The following RIMS2 variants were observed in gnomAD, a reference collection of about 807,000 sequenced individuals.
RIMS2 encodes regulating synaptic membrane exocytosis 2.
A neutral mutation model predicts 174.4 loss-of-function variants in RIMS2; 59 were observed. The observed-to-expected ratio is 0.34, with a 90% CI of 0.27 to 0.42. RIMS2 has a LOEUF of 0.42. Among genes scored for constraint, RIMS2 ranks in the 10% least tolerant of loss-of-function variants. RIMS2 has a pLI of 1.00. For synonymous variants in RIMS2, 606 were observed against 572.5 expected, an observed-to-expected ratio of 1.06 and a Z score of -0.84; for missense variants, 1,620 against 1,666.3, an observed-to-expected ratio of 0.97 and a Z score of 0.48.
At chr8:104,009,761 C>G (rs961626019) in intron 17 of RIMS2, among the ~76,000 whole-genome samples, 1 of 152,100 alleles carries the variant, frequency 6.6e-6, no homozygotes, top group African/African-American at 2.4e-5. Context: ...TTACTTTTTA[C>G]AAATTTACTT....
chr8:103,813,389 CTTCT>C (rs201996486), intron 3 of RIMS2, among the ~76,000 whole-genome samples: 436 of 147,372 alleles, frequency 3.0e-3, no homozygotes, highest in East Asian at 0.016. Flanking sequence ...AGAATTTACA[CTTCT>C]TTCTTTCTTT....
At chr8:104,098,457 A>ATGGAAG (rs2130809899) in intron 19 of RIMS2, among the ~76,000 whole-genome samples, 1 of 152,284 alleles carries the variant, frequency 6.6e-6, no homozygotes, top group South Asian at 2.1e-4. Flanking sequence ...AGAAAAAACA[A>ATGGAAG]ATACTGAAAA....
intron 1 of RIMS2, among the ~76,000 whole-genome samples, chr8:103,685,241 T>TGTC (rs1399264886): frequency 6.6e-6 from 1 of 152,174 alleles, no homozygotes; most frequent in African/African-American, 2.4e-5. Flanking sequence ...AGCAAAGTGC[T>TGTC]GTCATTGGCT....
At chr8:103,674,823 TTTAA>T (rs1458751614) in intron 1 of RIMS2, among the ~76,000 whole-genome samples, 1 of 152,106 alleles carries the variant, frequency 6.6e-6, no homozygotes, top group African/African-American at 2.4e-5. Flanking sequence ...CAAATTTTTG[TTTAA>T]TTGATTTAAA....
chr8:103,632,739 T>TC (rs1199202612), intron 1 of RIMS2, among the ~76,000 whole-genome samples: 1 of 136,670 alleles, frequency 7.3e-6, no homozygotes, highest in Non-Finnish European at 1.6e-5. Flanking sequence ...TGATTTTTTT[T>TC]TTTTTTTTTT....
intron 1 of RIMS2, among the ~76,000 whole-genome samples, chr8:103,525,237 G>A (rs1293807599): frequency 6.6e-6 from 1 of 152,164 alleles, no homozygotes; most frequent in Non-Finnish European, 1.5e-5. Context: ...CTTTGAAAGT[G>A]TGATAGTTCT....
intron 1 of RIMS2, among the ~76,000 whole-genome samples, chr8:103,601,041 T>G (rs1004930145): frequency 2.6e-5 from 4 of 152,208 alleles, no homozygotes; most frequent in Non-Finnish European, 4.4e-5. Context: ...CTGCTGCCTA[T>G]TTTTTAATGG....
At chr8:104,096,760 C>T (rs1038777422) in intron 19 of RIMS2, among the ~76,000 whole-genome samples, 3 of 151,454 alleles carry the variant, frequency 2.0e-5, no homozygotes, top group African/African-American at 4.9e-5. Context: ...CCCAGCTACT[C>T]GGGAGGCTGA....
chr8:103,889,495 ACCAGGGAACAT>A (rs889559917), intron 4 of RIMS2, among the ~76,000 whole-genome samples: 6 of 151,796 alleles, frequency 4.0e-5, no homozygotes, highest in African/African-American at 1.4e-4. Flanking sequence ...TATAAATAGC[ACCAGGGAACAT>A]TATCATTGCA....
At chr8:103,892,466 A>G (rs1278325176) in intron 4 of RIMS2, among the ~76,000 whole-genome samples, 1 of 151,944 alleles carries the variant, frequency 6.6e-6, no homozygotes, top group Non-Finnish European at 1.5e-5. Flanking sequence ...AGCCTCCCAA[A>G]GTGCTGGGAC....
chr8:103,775,985 G>A (rs2098311826), intron 3 of RIMS2, among the ~76,000 whole-genome samples: 1 of 152,130 alleles, frequency 6.6e-6, no homozygotes, highest in South Asian at 2.1e-4. Context: ...GCTTGCCTAG[G>A]ACAGTCCCAG....
At chr8:104,092,398 T>C (rs1454741647) in intron 19 of RIMS2, among the ~76,000 whole-genome samples, 2 of 151,846 alleles carry the variant, frequency 1.3e-5, no homozygotes, top group Non-Finnish European at 3.0e-5. Context: ...AGCATTAAGT[T>C]TGAAGTGCAT....
intron 3 of RIMS2, among the ~76,000 whole-genome samples, chr8:103,795,017 G>T (rs1396009934): frequency 2.0e-5 from 3 of 152,222 alleles, no homozygotes; most frequent in Non-Finnish European, 2.9e-5. Flanking sequence ...CATTGTGGAA[G>T]TCAGTGTGGC....
Position 103,834,679 on chromosome 8 carries a change from T to C in RIMS2, c.699-50619T>C, listed in dbSNP as rs528935994. Among the ~76,000 whole-genome samples, 145 of 44,272 alleles carry C rather than the reference T, an allele frequency of 3.3e-3. 2 individuals are homozygous for C. The highest frequency in any genetic ancestry group is 0.014 in the African/African-American group (136 of 9,602). The allele number at this position is 44,272 out of a possible 152,430, so 29.0% of individuals were successfully genotyped here. Reference sequence around the variant, plus strand: ...AGCCAGCAAGCCTCTGAGGTCTTTTTCTTTCTTTCTTTCTTTCTTTCTTTC... The same window carrying C: ...AGCCAGCAAGCCTCTGAGGTCTTTTCCTTTCTTTCTTTCTTTCTTTCTTTC... On this transcript the variant is annotated intron_variant, in intron 3 of 23. Transcript: ENST00000504942.
chr8:103,915,903 A>G (rs2076549317), intron 7 of RIMS2, among the ~76,000 whole-genome samples: 1 of 151,956 alleles, frequency 6.6e-6, no homozygotes, highest in African/African-American at 2.4e-5. Flanking sequence ...AATAAACTTT[A>G]TGGATAAAGG....
At chr8:103,538,207 C>A (rs1840736958) in intron 1 of RIMS2, among the ~76,000 whole-genome samples, 1 of 152,092 alleles carries the variant, frequency 6.6e-6, no homozygotes, top group South Asian at 2.1e-4. Flanking sequence ...GTTGCTTCTT[C>A]CTCTCTTTGT....
At chr8:103,771,524 G>A (rs996129360) in intron 3 of RIMS2, among the ~76,000 whole-genome samples, 6 of 152,122 alleles carry the variant, frequency 3.9e-5, no homozygotes, top group Non-Finnish European at 5.9e-5. Flanking sequence ...TGGATAGTTT[G>A]TATGGTAGAT....
chr8:103,510,261 G>A (rs372281359), intron 1 of RIMS2, among the ~76,000 whole-genome samples: 3 of 152,136 alleles, frequency 2.0e-5, no homozygotes, highest in East Asian at 3.8e-4. Flanking sequence ...GACAGATGGA[G>A]GTGGTGCTCA....
intron 19 of RIMS2, among the ~76,000 whole-genome samples, chr8:104,150,049 A>G (rs191896073): frequency 1.3e-4 from 20 of 152,288 alleles, no homozygotes; most frequent in African/African-American, 4.3e-4. Context: ...AATTGTTAGT[A>G]TTTATACCTA....
Sources: allele counts gnomAD v4.1 joint callset (sites outside exome capture counted in the v4.1 genomes callset), GRCh38; gene constraint gnomAD v4.1.1; transcripts MANE v1.5; gene names NCBI Gene and HGNC (gene_info 2026-07-23, HGNC 2026-07-21).